Variants in TMEM183A observed in about 807,000 individuals in gnomAD.
The protein encoded by TMEM183A is transmembrane protein 183A.
TMEM183A carries 21 observed loss-of-function variants against 46.7 expected under a neutral mutation model. The observed-to-expected ratio is 0.45, with a 90% confidence interval of 0.32 to 0.65. TMEM183A has a LOEUF of 0.65. Among genes scored for constraint, TMEM183A ranks in the 30% least tolerant of loss-of-function variants. TMEM183A has a pLI of 0.04. For missense variants in TMEM183A, 331 were observed against 481.9 expected (o/e 0.69, Z 2.93); for synonymous variants, 165 against 180.2 (o/e 0.92, Z 0.68).
In TMEM183A at chr1:203,020,505, C is replaced by T. The variant is rs957809377; in HGVS notation, c.790-288C>T. Among the ~76,000 whole-genome samples, 4 of 152,296 alleles carry T rather than the reference C, an allele frequency of 2.6e-5. No individual in the cohort carries two copies. In the South Asian group the frequency reaches 8.3e-4, roughly 32 times the overall value. On this transcript the variant is annotated intron_variant, in intron 6 of 7. Transcript: ENST00000367242. ...TACAAGGAATTTGCAGTCTTTCAAA[C>T]ATTGTAGAACCTCTGGTAGAGGCTG...
intron 6 of TMEM183A, among the ~76,000 whole-genome samples, chr1:203,019,822 C>G (rs567941546): frequency 6.6e-6 from 1 of 152,236 alleles, no homozygotes; most frequent in East Asian, 1.9e-4. Flanking sequence ...CTGTCCAAGC[C>G]TTGAACAGTG....
At chr1:203,017,931 C>T in intron 5 of TMEM183A, 1 of 986,318 alleles carries the variant, frequency 1.0e-6, no homozygotes, top group Non-Finnish European at 1.2e-6. Context: ...TACTTCACTT[C>T]TTGTGCTTAA....
intron 5 of TMEM183A, chr1:203,017,728 A>G: frequency 1.0e-6 from 1 of 985,838 alleles, no homozygotes; most frequent in Non-Finnish European, 1.2e-6. Flanking sequence ...AGCTTTTCGT[A>G]TTTGATTCCC....
At chr1:203,022,154 T>C (rs1657759109) in intron 7 of TMEM183A, among the ~76,000 whole-genome samples, 1 of 152,020 alleles carries the variant, frequency 6.6e-6, no homozygotes, top group South Asian at 2.1e-4. Flanking sequence ...CTGCAACCTC[T>C]GTCTCCTGGT....
At chr1:203,020,409 G>A (rs1020857054) in intron 6 of TMEM183A, among the ~76,000 whole-genome samples, 3 of 152,144 alleles carry the variant, frequency 2.0e-5, no homozygotes, top group African/African-American at 7.2e-5. Context: ...ATTTTATGGT[G>A]TCTGGAATTA....
At position 203,016,090 on chromosome 1, in the gene TMEM183A, A is replaced by C. The variant is rs1200323111; in HGVS notation, c.658A>C (p.Lys220Gln). 1 of 1,614,088 alleles carries C rather than the reference A, an allele frequency of 6.2e-7. No individual in the cohort carries two copies. The highest frequency in any genetic ancestry group is 8.5e-7 in the Non-Finnish European group (1 of 1,180,058). Residue 220 changes from lysine (K) to glutamine (Q), a missense_variant, in exon 5 of 8, where the codon AAG becomes CAG. Lys to Gln is a moderately conservative substitution (Grantham distance 53). Transcript: ENST00000367242. ...MYEPFAARISKNPAIPESTPS... is the reference protein window; with the variant it reads ...MYEPFAARISQNPAIPESTPS... ...TGAGCCATTTGCTGCTCGAATCTCC[A>C]AGAATCCAGCCATTCCAGAAAGCAC... is the stretch of plus-strand genomic sequence containing the variant.
At chr1:203,016,231 G>A in intron 5 of TMEM183A, 91 bp downstream of exon 5, 3 of 1,573,452 alleles carry the variant, frequency 1.9e-6, no homozygotes, top group Non-Finnish European at 2.6e-6. Flanking sequence ...TTGATGGGGA[G>A]GGGTGTAGGT....
rs1657892805 is a variant in TMEM183A, at chr1:203,023,265, C to T, written c.*225C>T. 5 of 471,314 alleles carry T rather than the reference C, an allele frequency of 1.1e-5. No individual in the cohort carries two copies. Among genetic ancestry groups the T allele is most frequent in the Non-Finnish European group, 1.0e-5 (3 of 290,918 alleles). 29.2% of individuals were successfully genotyped at this position (471,314 alleles called of 1,614,324 possible). On this transcript the variant is annotated 3_prime_UTR_variant, in exon 8 of 8. Transcript: ENST00000367242. ...AAAAATTTGCATTTAAAAGGAGTGGCCCTGTTTTCTGTGTTAAAACCCCAT... is the reference window on the plus strand; with the variant it reads ...AAAAATTTGCATTTAAAAGGAGTGGTCCTGTTTTCTGTGTTAAAACCCCAT...
rs542777194 is a variant in TMEM183A at position 203,023,764 on chromosome 1, G to A, written c.*724G>A. ...TTCCCATTTTATAGTTGAGAAAACG[G>A]AATTAGTGACTGTACCTATAACACC... On this transcript the variant is annotated 3_prime_UTR_variant, in exon 8 of 8. Transcript: ENST00000367242. The A allele has an allele frequency of 6.6e-6, 1 of 152,390 alleles. No homozygotes were observed. Among genetic ancestry groups the A allele is most frequent in the East Asian group, 1.9e-4 (1 of 5,188 alleles). 9.4% of individuals were successfully genotyped at this position (152,390 alleles called of 1,614,324 possible).
chr1:203,007,873 G>A lies in TMEM183A; in HGVS notation c.199+10G>A. ...GCTGTTCAGCAGGAAGGTAAGCTTT[G>A]CGCGAGCCTTTAAAGACTCATGCCG... On this transcript the variant is annotated intron_variant, in intron 2 of 7. Coordinates refer to ENST00000367242, the MANE Select transcript of TMEM183A (RefSeq NM_138391.6). 1 of 1,614,024 alleles carries A rather than the reference G, an allele frequency of 6.2e-7. No individual in the cohort carries two copies. The highest frequency in any genetic ancestry group is 8.5e-7 in the Non-Finnish European group (1 of 1,179,940).
At chr1:203,020,687 G>A (rs1657576635) in intron 6 of TMEM183A, 106 bp from the exon 7 acceptor site, 3 of 1,364,596 alleles carry the variant, frequency 2.2e-6, no homozygotes, top group South Asian at 1.3e-5. Flanking sequence ...GAAGATAAAA[G>A]TGTATCTCAC....
chr1:203,021,020 C>T (rs1174737150), intron 7 of TMEM183A, 72 bp downstream of exon 7: 28 of 1,257,918 alleles, frequency 2.2e-5, no homozygotes, highest in South Asian at 9.0e-5. Context: ...GGAGGTGAAC[C>T]GCAGCTCTTT....
chr1:203,015,157 T>C, intron 4 of TMEM183A, 109 bp downstream of exon 4: 1 of 1,476,818 alleles, frequency 6.8e-7, no homozygotes, highest in Non-Finnish European at 9.1e-7. Flanking sequence ...CTCTACTCCA[T>C]GTCTGGGCAT....
chr1:203,013,652 C>T lies in TMEM183A; in HGVS notation c.368-1237C>T, dbSNP rs931537493. On this transcript the variant is annotated intron_variant, in intron 3 of 7. Coordinates refer to ENST00000367242, the MANE Select transcript of TMEM183A (RefSeq NM_138391.6). This position sits in a 1 kb window ranked among gnomAD's most constrained non-coding sequence, Gnocchi z 4.0. The stretch of plus-strand genomic sequence containing the variant: ...TCAGCCTCCCAAGTAGCTGGAACTA[C>T]AGGCAGCTGCCACCACGCCCGGCTA... Among the ~76,000 whole-genome samples, 13 of 151,974 alleles carry T rather than the reference C, an allele frequency of 8.6e-5. No individual in the cohort carries two copies. The highest frequency in any genetic ancestry group is 2.0e-4 in the Admixed American group (3 of 15,258).
intron 7 of TMEM183A, 122 bp downstream of exon 7, chr1:203,021,070 C>T: frequency 1.8e-6 from 2 of 1,121,432 alleles, no homozygotes; most frequent in Middle Eastern, 3.1e-4. Flanking sequence ...CTCACTCTGT[C>T]ACTCAGGCTG....
chr1:203,014,285 A>G (rs535709650), intron 3 of TMEM183A, among the ~76,000 whole-genome samples: 1 of 152,310 alleles, frequency 6.6e-6, no homozygotes, highest in East Asian at 1.9e-4. Flanking sequence ...GAATGATACA[A>G]CGTGTGCAAA....
chr1:203,009,845 T>C (rs1558035822), intron 3 of TMEM183A, among the ~76,000 whole-genome samples: 3 of 152,076 alleles, frequency 2.0e-5, no homozygotes, highest in Non-Finnish European at 4.4e-5. Context: ...AGCCGATAAA[T>C]AATGGTGAGG....
At position 203,013,485 on chromosome 1, in the gene TMEM183A, T is replaced by G. The variant is rs1656866848; in HGVS notation, c.368-1404T>G. Among the ~76,000 whole-genome samples the G allele has an allele frequency of 6.6e-6, 1 of 152,024 alleles. No individual in the cohort carries two copies. Among genetic ancestry groups the G allele is most frequent in the Non-Finnish European group, 1.5e-5 (1 of 68,010 alleles). On this transcript the variant is annotated intron_variant, in intron 3 of 7. Transcript: ENST00000367242. The surrounding 1 kb of genome is among the most constrained non-coding windows in gnomAD (Gnocchi z 4.0). ...ATGAGTTCTGGAGAATTAATGCTAATGAGTTCTGAAGAAGGAAGAGATAGG... is the reference window on the plus strand; with the variant it reads ...ATGAGTTCTGGAGAATTAATGCTAAGGAGTTCTGAAGAAGGAAGAGATAGG...
chr1:203,008,526 C>A, intron 2 of TMEM183A, 117 bp from the exon 3 acceptor site: 1 of 746,316 alleles, frequency 1.3e-6, no homozygotes, highest in Non-Finnish European at 1.8e-6. Context: ...TCACCTTTCT[C>A]TCTCAACGAT....
Sources: gnomAD v4.1 joint callset for allele counts (sites outside exome capture counted in the v4.1 genomes callset) on GRCh38, gnomAD v4.1.1 for gene constraint, Gnocchi (gnomAD v3.1) non-coding constraint, MANE v1.5 for transcripts, NCBI Gene and HGNC (gene_info 2026-07-23, HGNC 2026-07-21) for gene names.